The following MFHAS1 variants were observed in gnomAD, a reference collection of about 807,000 sequenced individuals.
MFHAS1 encodes multifunctional ROCO family signaling regulator 1.
A neutral mutation model predicts 70.4 loss-of-function variants in MFHAS1; 50 were observed. That is an observed-to-expected ratio of 0.71 (90% confidence interval 0.57 to 0.90). The LOEUF (loss-of-function observed/expected upper bound fraction) is 0.90, where lower values mean the gene tolerates loss of function less well. Ranked by LOEUF, MFHAS1 falls within the 40% of genes least tolerant of loss-of-function variation. MFHAS1 has a pLI of 0.00. For synonymous variants in MFHAS1, 952 were observed against 620.0 expected, an observed-to-expected ratio of 1.54 and a Z score of -7.96; for missense variants, 1,795 against 1,347.6, an observed-to-expected ratio of 1.33 and a Z score of -5.20.
rs1433108144 is a variant in MFHAS1, at chr8:8,848,357, C to T, written c.2998+41704G>A. 2.0e-5 allele frequency among the ~76,000 whole-genome samples: 3 copies of T among 150,014 alleles called. No individual in the cohort carries two copies. The Admixed American group carries it at 2.0e-4, about 10-fold the overall frequency. On this transcript the variant is annotated intron_variant, in intron 1 of 2. Coordinates refer to ENST00000276282, the MANE Select transcript of MFHAS1 (RefSeq NM_004225.3). ...TAGCCATTTGGAGGGAGTGCCTCTA[C>T]TTTCCATTTTAAAAAGGGCCAGTCA...
In MFHAS1 at chr8:8,890,241, T is replaced by G. The variant is rs1585076418; in HGVS notation, c.2818A>C (p.Thr940Pro). The G allele has an allele frequency of 4.3e-6, 7 of 1,614,022 alleles. No individual in the cohort carries two copies. The highest frequency in any genetic ancestry group is 5.9e-6 in the Non-Finnish European group (7 of 1,179,990). ...GATGCATGGCTAGCAATGGACAGGGTGTCTGGCTGCAGGACTCCCCTGGCA... is the reference window on the plus strand; with the variant it reads ...GATGCATGGCTAGCAATGGACAGGGGGTCTGGCTGCAGGACTCCCCTGGCA... ...RPARGVLQPD[T>P]LSIASHASLP... Residue 940 changes from threonine (T) to proline (P), a missense_variant, in exon 1 of 3, where the codon ACC (threonine) becomes CCC (proline). By Grantham distance (38) the Thr-to-Pro change is conservative (BLOSUM62 -1). Coordinates refer to ENST00000276282, the MANE Select transcript of MFHAS1 (RefSeq NM_004225.3).
intron 1 of MFHAS1, among the ~76,000 whole-genome samples, chr8:8,799,401 A>G (rs1353160846): frequency 6.6e-6 from 1 of 152,258 alleles, no homozygotes; most frequent in African/African-American, 2.4e-5. Flanking sequence ...AAGTGAAACC[A>G]TGGATAAGGG....
intron 1 of MFHAS1, among the ~76,000 whole-genome samples, chr8:8,837,756 T>C (rs186470900): frequency 6.6e-6 from 1 of 152,054 alleles, no homozygotes; most frequent in Non-Finnish European, 1.5e-5. Context: ...GGGCTACTAT[T>C]AAAAAAATAA....
intron 1 of MFHAS1, among the ~76,000 whole-genome samples, chr8:8,869,466 T>C (rs911094027): frequency 2.0e-5 from 3 of 152,178 alleles, no homozygotes; most frequent in African/African-American, 4.8e-5. Flanking sequence ...ACTAGATATT[T>C]ATAAAGTCTC....
intron 1 of MFHAS1, among the ~76,000 whole-genome samples, chr8:8,852,488 CACACAT>C (rs35750001): frequency 0.33 from 48,541 of 149,144 alleles, 9,009 homozygotes; most frequent in East Asian, 0.69. Context: ...CACACACACA[CACACAT>C]ACACACAAAC....
chr8:8,870,527 T>C (rs905318830), intron 1 of MFHAS1, among the ~76,000 whole-genome samples: 7 of 152,066 alleles, frequency 4.6e-5, no homozygotes, highest in Non-Finnish European at 5.9e-5. Context: ...CATTGATAAA[T>C]GAATAGTTGG....
intron 1 of MFHAS1, among the ~76,000 whole-genome samples, chr8:8,852,036 T>TG (rs1199347151): frequency 2.0e-5 from 3 of 151,492 alleles, no homozygotes; most frequent in African/African-American, 7.3e-5. Flanking sequence ...ACATAGGGAG[T>TG]GGGTGGTGGA....
intron 1 of MFHAS1, among the ~76,000 whole-genome samples, chr8:8,888,628 A>G (rs2116944790): frequency 6.6e-6 from 1 of 152,332 alleles, no homozygotes; most frequent in Admixed American, 6.5e-5. Context: ...ACCAGGCTCA[A>G]AAGAAAAAAA....
rs370846358 is a variant in MFHAS1 at position 8,810,088 on chromosome 8, C to T, written c.2999-12597G>A. Among the ~76,000 whole-genome samples the T allele has an allele frequency of 3.5e-4, 53 of 152,238 alleles. 1 individual carries two copies. The highest frequency in any genetic ancestry group is 1.3e-3 in the African/African-American group (52 of 41,530). ...CCTTAATAATGATCAGAAGCCAGGCCGGGCGCAGTGGCTCGCGCCTGTAAT... is the reference window on the plus strand; with the variant it reads ...CCTTAATAATGATCAGAAGCCAGGCTGGGCGCAGTGGCTCGCGCCTGTAAT... On this transcript the variant is annotated intron_variant, in intron 1 of 2. Transcript: ENST00000276282.
intron 1 of MFHAS1, among the ~76,000 whole-genome samples, chr8:8,841,478 A>AG (rs1263102406): frequency 2.6e-5 from 4 of 152,022 alleles, no homozygotes; most frequent in Non-Finnish European, 5.9e-5. Context: ...AAAAAAAAAA[A>AG]AAGACTTCTT....
intron 1 of MFHAS1, among the ~76,000 whole-genome samples, chr8:8,849,619 G>A (rs544168452): frequency 6.6e-6 from 1 of 152,136 alleles, no homozygotes; most frequent in East Asian, 1.9e-4. Context: ...AGCCTCCCCT[G>A]GGCTGAAAAT....
intron 1 of MFHAS1, among the ~76,000 whole-genome samples, chr8:8,803,127 G>A (rs1440490215): frequency 1.3e-5 from 2 of 152,182 alleles, no homozygotes; most frequent in Non-Finnish European, 2.9e-5. Context: ...AACAAGGTTT[G>A]CTCTTGGCTC....
intron 1 of MFHAS1, among the ~76,000 whole-genome samples, chr8:8,799,871 C>T (rs755838974): frequency 1.3e-5 from 2 of 152,216 alleles, no homozygotes; most frequent in Non-Finnish European, 2.9e-5. Context: ...ATGTACACCT[C>T]GTGTAATCTT....
chr8:8,813,319 T>TC (rs1197438283), intron 1 of MFHAS1, among the ~76,000 whole-genome samples: 3 of 151,558 alleles, frequency 2.0e-5, no homozygotes, highest in South Asian at 2.1e-4. Flanking sequence ...ATACTATACT[T>TC]TTTATCATTC....
chr8:8,817,528 C>A (rs1028741378), intron 1 of MFHAS1, among the ~76,000 whole-genome samples: 2 of 152,236 alleles, frequency 1.3e-5, no homozygotes, highest in Non-Finnish European at 2.9e-5. Flanking sequence ...TTGGCCACAG[C>A]CCCAGCCTTG....
chr8:8,819,041 C>A (rs1806847492), intron 1 of MFHAS1, among the ~76,000 whole-genome samples: 1 of 152,036 alleles, frequency 6.6e-6, no homozygotes, highest in Non-Finnish European at 1.5e-5. Flanking sequence ...TGAAAATAAT[C>A]AAAATGCTCA....
At chr8:8,841,530 T>G (rs1288257573) in intron 1 of MFHAS1, among the ~76,000 whole-genome samples, 1 of 151,988 alleles carries the variant, frequency 6.6e-6, no homozygotes, top group South Asian at 2.1e-4. Flanking sequence ...TGTAAAACAC[T>G]CACTCATTCC....
At chr8:8,837,942 G>GA (rs1411508113) in intron 1 of MFHAS1, among the ~76,000 whole-genome samples, 1 of 152,120 alleles carries the variant, frequency 6.6e-6, no homozygotes, top group Admixed American at 6.5e-5. Flanking sequence ...TTACTCAGGA[G>GA]AAACAATGAC....
Position 8,891,284 on chromosome 8 carries a change from T to A in MFHAS1, c.1775A>T (p.His592Leu). 3.7e-6 allele frequency: 6 copies of A among 1,611,888 alleles called. No homozygotes were observed. Among genetic ancestry groups the A allele is most frequent in the Non-Finnish European group, 5.1e-6 (6 of 1,180,016 alleles). Residue 592 changes from histidine to leucine, a missense_variant, in exon 1 of 3, where the codon CAC becomes CTC. Coordinates refer to ENST00000276282, the MANE Select transcript of MFHAS1 (RefSeq NM_004225.3). The surrounding 1 kb of genome is among the most constrained non-coding windows in gnomAD (Gnocchi z 5.4). ...GTCCGAAACGCCATAGTAGGCTGCG[T>A]GGGGGCTGGCAGAGCGCAGCTCGAA... Reference protein sequence around the residue: ...RDFELRSASPHAAYYGVSDKN... With the variant: ...RDFELRSASPLAAYYGVSDKN...
Sources: gnomAD v4.1 joint callset for allele counts (sites outside exome capture counted in the v4.1 genomes callset) on GRCh38, gnomAD v4.1.1 for gene constraint, Gnocchi (gnomAD v3.1) non-coding constraint, MANE v1.5 for transcripts, NCBI Gene and HGNC (gene_info 2026-07-23, HGNC 2026-07-21) for gene names.